DCHS2: variants seen among roughly 807,000 people sequenced by gnomAD.
DCHS2 encodes dachsous cadherin-related 2, also known as protocadherin-23.
Under a neutral mutation model 182.4 loss-of-function variants are expected in DCHS2, and 142 were observed. The observed-to-expected ratio is 0.78, with a 90% CI of 0.68 to 0.89. The LOEUF is 0.89. Ranked by LOEUF, DCHS2 falls within the 40% of genes least tolerant of loss-of-function variation. The pLI is 0.00. For missense variants in DCHS2, 4,319 were observed against 4,198.6 expected, an observed-to-expected ratio of 1.03 and a Z score of -0.79; for synonymous variants, 1,740 against 1,663.3, an observed-to-expected ratio of 1.05 and a Z score of -1.12.
Position 154,298,527 on chromosome 4 carries a change from G to A in DCHS2, c.5787C>T (p.His1929=). The A allele has an allele frequency of 1.9e-6, 3 of 1,614,158 alleles. No homozygotes were observed. Among genetic ancestry groups the A allele is most frequent in the Non-Finnish European group, 2.5e-6 (3 of 1,179,990 alleles). Residue 1929 remains histidine, a synonymous_variant, in exon 13 of 20, where the codon CAC becomes CAT. Coordinates refer to ENST00000357232, the MANE Select transcript of DCHS2 (RefSeq NM_001358235.2). ...LQVRVLDAND[H]SPSFPTLYYQ... is the part of the protein sequence containing the mutation. ...AATAAAGTGTGGGAAAAGAAGGACTGTGGTCATTGGCATCCAAAACTCTAA... is the reference window on the plus strand; with the variant it reads ...AATAAAGTGTGGGAAAAGAAGGACTATGGTCATTGGCATCCAAAACTCTAA...
chr4:154,440,195 A>G (rs1238197683), intron 1 of DCHS2, among the ~76,000 whole-genome samples: 1 of 152,202 alleles, frequency 6.6e-6, no homozygotes, highest in East Asian at 1.9e-4. Flanking sequence ...CTAGAGTGAG[A>G]CGAAGCTGAT....
chr4:154,456,979 A>G (rs1403511084), intron 1 of DCHS2, among the ~76,000 whole-genome samples: 1 of 152,192 alleles, frequency 6.6e-6, no homozygotes, highest in Non-Finnish European at 1.5e-5. Context: ...TAACATGTAC[A>G]TACTAAAATA....
chr4:154,435,458 T>C (rs12506034), intron 1 of DCHS2, among the ~76,000 whole-genome samples: 77,477 of 151,710 alleles, frequency 0.51, 20,919 homozygotes, highest in Middle Eastern at 0.67. Flanking sequence ...TAGCTGGGTA[T>C]GGTGGTGGGT....
rs1433115697 is a variant in DCHS2, at chr4:154,387,526, C to T, written c.2053-10082G>A. 4.0e-5 allele frequency among the ~76,000 whole-genome samples: 6 copies of T among 151,554 alleles called. No individual in the cohort carries two copies. In the East Asian group the frequency reaches 1.2e-3, roughly 29 times the overall value. ...AATCAGGATTGATATTAACCTCAGACCAAAAGAGATTCTACACCAATATGT... is the reference window on the plus strand; with the variant it reads ...AATCAGGATTGATATTAACCTCAGATCAAAAGAGATTCTACACCAATATGT... On this transcript the variant is annotated intron_variant, in intron 1 of 19. Coordinates refer to ENST00000357232, the MANE Select transcript of DCHS2 (RefSeq NM_001358235.2).
intron 2 of DCHS2, among the ~76,000 whole-genome samples, chr4:154,369,279 G>A (rs1730531418): frequency 6.6e-6 from 1 of 152,158 alleles, no homozygotes. Flanking sequence ...AAGTTAAGTG[G>A]ATGCATTCTA....
intron 1 of DCHS2, among the ~76,000 whole-genome samples, chr4:154,408,389 C>G (rs930510319): frequency 6.6e-6 from 1 of 152,138 alleles, no homozygotes; most frequent in Non-Finnish European, 1.5e-5. Flanking sequence ...TTGAGGAAAA[C>G]TTTCATAGGA....
chr4:154,447,338 A>G (rs946987329), intron 1 of DCHS2, among the ~76,000 whole-genome samples: 3 of 152,058 alleles, frequency 2.0e-5, no homozygotes, highest in African/African-American at 7.2e-5. Flanking sequence ...AATCTAAATA[A>G]GTGGTTTATA....
intron 1 of DCHS2, among the ~76,000 whole-genome samples, chr4:154,444,033 C>T (rs947281973): frequency 2.5e-4 from 38 of 152,120 alleles, no homozygotes; most frequent in African/African-American, 9.2e-4. Context: ...CTCCTCCCTG[C>T]CCAGCTGCTT....
chr4:154,426,204 C>T (rs1021901257), intron 1 of DCHS2, among the ~76,000 whole-genome samples: 1 of 152,164 alleles, frequency 6.6e-6, no homozygotes, highest in Non-Finnish European at 1.5e-5. Flanking sequence ...CCTTGAGTGA[C>T]TAACAGGTGA....
chr4:154,309,290 G>A (rs1192532473), intron 10 of DCHS2, among the ~76,000 whole-genome samples: 1 of 152,048 alleles, frequency 6.6e-6, no homozygotes, highest in Non-Finnish European at 1.5e-5. Context: ...ATTCCCCATT[G>A]CCAACTACCT....
Position 154,320,372 on chromosome 4 carries a change from A to C in DCHS2, c.5020+7T>G. 1 of 1,611,424 alleles carries C rather than the reference A, an allele frequency of 6.2e-7. No individual in the cohort carries two copies. Among genetic ancestry groups the C allele is most frequent in the Non-Finnish European group, 8.5e-7 (1 of 1,178,442 alleles). On this transcript the variant is annotated splice_region_variant and intron_variant, in intron 9 of 19. Transcript: ENST00000357232. ...TATTTTTAAAAGTGACATATAGGGC[A>C]CTGTACCTGATGACTCATCTAGCAT... is the stretch of plus-strand genomic sequence containing the variant.
chr4:154,332,458 T>A lies in DCHS2; in HGVS notation c.3730+20A>T. 2.5e-6 allele frequency: 4 copies of A among 1,580,104 alleles called. No individual in the cohort carries two copies. Among genetic ancestry groups the A allele is most frequent in the Non-Finnish European group, 3.4e-6 (4 of 1,159,860 alleles). ...TGAACCCTCATTTTAAAGGAATAGG[T>A]GGAAACTATGAAGTGCTACCTGTAT... On this transcript the variant is annotated intron_variant, in intron 5 of 19. Coordinates refer to ENST00000357232, the MANE Select transcript of DCHS2 (RefSeq NM_001358235.2).
chr4:154,269,543 C>T (rs1471427012), intron 14 of DCHS2: 1 of 174,162 alleles, frequency 5.7e-6, no homozygotes, highest in South Asian at 1.4e-4. Context: ...GATGAAAACT[C>T]CTTACAGCTA....
intron 1 of DCHS2, among the ~76,000 whole-genome samples, chr4:154,433,444 G>T (rs555768440): frequency 1.5e-5 from 2 of 135,560 alleles, no homozygotes; most frequent in East Asian, 4.1e-4. Flanking sequence ...CGCTAGGCTG[G>T]AGTGCAGTGG....
intron 1 of DCHS2, among the ~76,000 whole-genome samples, chr4:154,378,579 G>A (rs946311021): frequency 1.7e-5 from 2 of 116,510 alleles, no homozygotes; most frequent in African/African-American, 3.1e-5. Context: ...GAAGGATTCC[G>A]TGCTACAGAA....
rs190755454 is a variant in DCHS2, at chr4:154,348,088, C to T, written c.2477-12984G>A. On this transcript the variant is annotated intron_variant, in intron 3 of 19. Coordinates refer to ENST00000357232, the MANE Select transcript of DCHS2 (RefSeq NM_001358235.2). The stretch of plus-strand genomic sequence containing the variant: ...AAAGCTGGATACTGACACAAGTTGG[C>T]AACAGGGATGTGGGCTGATAGTCCC... Among the ~76,000 whole-genome samples the T allele has an allele frequency of 3.3e-5, 5 of 152,052 alleles. No homozygotes were observed. In the East Asian group the frequency reaches 9.6e-4, roughly 29 times the overall value.
At chr4:154,365,926 G>A (rs1045246880) in intron 3 of DCHS2, among the ~76,000 whole-genome samples, 1 of 151,834 alleles carries the variant, frequency 6.6e-6, no homozygotes, top group Non-Finnish European at 1.5e-5. Flanking sequence ...GGGATTACAG[G>A]TGTGAGCCAC....
intron 1 of DCHS2, among the ~76,000 whole-genome samples, chr4:154,389,473 T>A (rs1371459639): frequency 7.1e-6 from 1 of 140,330 alleles, no homozygotes; most frequent in Admixed American, 7.4e-5. Context: ...AGGTTTACTA[T>A]CCATGTATTG....
At chr4:154,374,330 T>C (rs1730790763) in intron 2 of DCHS2, 1 of 180,936 alleles carries the variant, frequency 5.5e-6, no homozygotes, top group South Asian at 1.9e-4. Flanking sequence ...CTAATTCTTT[T>C]TGGTGGTTTT....
Sources: allele counts gnomAD v4.1 joint callset (sites outside exome capture counted in the v4.1 genomes callset), GRCh38; gene constraint gnomAD v4.1.1; transcripts MANE v1.5; gene names NCBI Gene and HGNC (gene_info 2026-07-23, HGNC 2026-07-21).